TNFSF4: variants seen among roughly 807,000 people sequenced by gnomAD.
TNFSF4 encodes the protein TNF superfamily member 4.
In TNFSF4, 4 loss-of-function variants were observed where a neutral mutation model predicts 7.3. The ratio of observed to expected loss-of-function variants is 0.55; its 90% CI spans 0.27 to 1.25. TNFSF4 has a LOEUF of 1.25. TNFSF4 is among the 50% of genes most tolerant of loss of function. The probability of loss-of-function intolerance (pLI) is 0.12; values close to 1 mark genes in which losing one functional copy is unlikely to be tolerated. For synonymous variants in TNFSF4, 76 were observed against 83.7 expected, an observed-to-expected ratio of 0.91 and a Z score of 0.50; for missense variants, 181 against 208.8, an observed-to-expected ratio of 0.87 and a Z score of 0.82.
At chr1:173,443,292 T>C in the TNFSF4 span, among the ~76,000 whole-genome samples, 3 of 152,216 alleles carry the variant, frequency 2.0e-5, no homozygotes, top group Admixed American at 6.5e-5. Context: ...AATACATTAT[T>C]ATTTTAATAA....
upstream of TNFSF4, among the ~76,000 whole-genome samples, chr1:173,208,278 G>T (rs1650268859): frequency 6.6e-6 from 1 of 152,188 alleles, no homozygotes; most frequent in Admixed American, 6.6e-5. Flanking sequence ...GACAACATAA[G>T]GATGCTGGGG....
the TNFSF4 span, among the ~76,000 whole-genome samples, chr1:173,292,368 T>A: frequency 6.6e-6 from 1 of 152,134 alleles, no homozygotes; most frequent in South Asian, 2.1e-4. Flanking sequence ...CATAACAGAA[T>A]TAAAAACAAA....
the TNFSF4 span, among the ~76,000 whole-genome samples, chr1:173,296,774 A>C: frequency 6.6e-6 from 1 of 151,960 alleles, no homozygotes; most frequent in African/African-American, 2.4e-5. Flanking sequence ...GCCATCGCCA[A>C]TCATGCTTCC....
chr1:173,336,630 G>T, the TNFSF4 span, among the ~76,000 whole-genome samples: 5 of 152,114 alleles, frequency 3.3e-5, no homozygotes, highest in South Asian at 1.0e-3. Context: ...GATCTTGATT[G>T]CTTTTCCCTT....
rs563951984 is a variant in TNFSF4, at chr1:173,184,921, C to G, written c.*1595G>C. On this transcript the variant is annotated 3_prime_UTR_variant, in exon 3 of 3. Coordinates refer to ENST00000281834, the MANE Select transcript of TNFSF4 (RefSeq NM_003326.5). Reference sequence around the variant, plus strand: ...ATTCCTCTTACCTTACCTACAATTTCTTCTATTTAGCATTTTTATTTACCT... The same window carrying G: ...ATTCCTCTTACCTTACCTACAATTTGTTCTATTTAGCATTTTTATTTACCT... The G allele has an allele frequency of 6.6e-6, 1 of 152,144 alleles. No homozygotes were observed. The highest frequency in any genetic ancestry group is 1.5e-5 in the Non-Finnish European group (1 of 68,022). 9.4% of individuals were successfully genotyped at this position (152,144 alleles called of 1,614,324 possible).
chr1:173,298,981 T>C, the TNFSF4 span, among the ~76,000 whole-genome samples: 1 of 151,992 alleles, frequency 6.6e-6, no homozygotes, highest in Non-Finnish European at 1.5e-5. Context: ...TCTAAACTAA[T>C]AACTATGAGT....
At chr1:173,219,669 TACACACACAC>T in the TNFSF4 span, among the ~76,000 whole-genome samples, 5 of 146,890 alleles carry the variant, frequency 3.4e-5, no homozygotes, top group Admixed American at 2.7e-4. Flanking sequence ...GAAATTGTGA[TACACACACAC>T]ACACACACAC....
At chr1:173,336,207 C>A in the TNFSF4 span, among the ~76,000 whole-genome samples, 1 of 152,168 alleles carries the variant, frequency 6.6e-6, no homozygotes, top group African/African-American at 2.4e-5. Context: ...AAACCAGAAG[C>A]AATACTGGAT....
the TNFSF4 span, among the ~76,000 whole-genome samples, chr1:173,307,056 C>T: frequency 6.6e-6 from 1 of 151,858 alleles, no homozygotes; most frequent in African/African-American, 2.4e-5. Flanking sequence ...TTTTGGCAAC[C>T]TCATCTGTTT....
At chr1:173,217,077 C>T in the TNFSF4 span, among the ~76,000 whole-genome samples, 38 of 152,144 alleles carry the variant, frequency 2.5e-4, no homozygotes, top group African/African-American at 8.4e-4. Flanking sequence ...CCGTCTGCTC[C>T]GGACTCAGTT....
At chr1:173,394,880 C>A in the TNFSF4 span, among the ~76,000 whole-genome samples, 1 of 151,764 alleles carries the variant, frequency 6.6e-6, no homozygotes, top group Non-Finnish European at 1.5e-5. Context: ...ATCATGTGAG[C>A]CAATTCCTCC....
At chr1:173,187,054 CAAAAAAA>C (rs1175157623) in intron 2 of TNFSF4, among the ~76,000 whole-genome samples, 189 bp from the exon 3 acceptor site, 1 of 126,212 alleles carries the variant, frequency 7.9e-6, no homozygotes, top group Non-Finnish European at 1.7e-5. Flanking sequence ...CTGTCTCAAA[CAAAAAAA>C]AAAAAGAAAA....
the TNFSF4 span, among the ~76,000 whole-genome samples, chr1:173,312,958 A>G: frequency 1.3e-5 from 2 of 152,096 alleles, no homozygotes; most frequent in Admixed American, 1.3e-4. Flanking sequence ...AGGCCTGCAG[A>G]TTCAGCTGAG....
the TNFSF4 span, among the ~76,000 whole-genome samples, chr1:173,391,015 G>A: frequency 4.0e-5 from 6 of 151,742 alleles, no homozygotes; most frequent in Non-Finnish European, 7.4e-5. Context: ...CAAAGTGCTG[G>A]GATTACAGGT....
chr1:173,234,288 G>T, the TNFSF4 span, among the ~76,000 whole-genome samples: 2 of 152,132 alleles, frequency 1.3e-5, no homozygotes, highest in Non-Finnish European at 2.9e-5. Flanking sequence ...CATTAAAAAG[G>T]CAGGAAACAA....
At chr1:173,299,073 A>T in the TNFSF4 span, among the ~76,000 whole-genome samples, 1 of 151,926 alleles carries the variant, frequency 6.6e-6, no homozygotes, top group Admixed American at 6.6e-5. Context: ...TTGGGATATG[A>T]TGTCCTTTAC....
At chr1:173,444,919 T>A in the TNFSF4 span, among the ~76,000 whole-genome samples, 3 of 152,198 alleles carry the variant, frequency 2.0e-5, no homozygotes, top group Non-Finnish European at 4.4e-5. Flanking sequence ...GTTCTTGAAT[T>A]GTATTCCTCC....
the TNFSF4 span, among the ~76,000 whole-genome samples, chr1:173,283,828 A>T: frequency 6.6e-6 from 1 of 152,082 alleles, no homozygotes; most frequent in Non-Finnish European, 1.5e-5. Flanking sequence ...TGATCTTTAC[A>T]AAGTAAAGAC....
At chr1:173,318,665 G>A in the TNFSF4 span, among the ~76,000 whole-genome samples, 234 of 152,318 alleles carry the variant, frequency 1.5e-3, no homozygotes, top group African/African-American at 5.3e-3. Context: ...GTAAGGGTAA[G>A]AAAGCAAGAA....
Sources: allele counts gnomAD v4.1 joint callset (sites outside exome capture counted in the v4.1 genomes callset), GRCh38; gene constraint gnomAD v4.1.1; transcripts MANE v1.5; gene names NCBI Gene and HGNC (gene_info 2026-07-23, HGNC 2026-07-21).